The following NAALADL2 variants were observed in gnomAD, a reference collection of about 807,000 sequenced individuals.
NAALADL2 encodes inactive N-acetylated-alpha-linked acidic dipeptidase-like protein 2.
Under a neutral mutation model 87.2 loss-of-function variants are expected in NAALADL2, and 76 were observed. The ratio of observed to expected loss-of-function variants is 0.87; its 90% CI spans 0.72 to 1.05. The LOEUF (loss-of-function observed/expected upper bound fraction) is 1.05, where lower values mean the gene tolerates loss of function less well. Among genes scored for constraint, NAALADL2 ranks in the 50% least tolerant of loss-of-function variants. The probability of loss-of-function intolerance (pLI) is 0.00; values close to 1 mark genes in which losing one functional copy is unlikely to be tolerated. For missense variants in NAALADL2, 1,089 were observed against 945.8 expected, an observed-to-expected ratio of 1.15 and a Z score of -1.99; for synonymous variants, 354 against 331.0, an observed-to-expected ratio of 1.07 and a Z score of -0.75.
At chr3:175,209,807 A>T (rs1299687171) in intron 2 of NAALADL2, among the ~76,000 whole-genome samples, 1 of 151,840 alleles carries the variant, frequency 6.6e-6, no homozygotes, top group African/African-American at 2.4e-5. Context: ...GAGAACCTAT[A>T]AATATCATCA....
intron 1 of NAALADL2, among the ~76,000 whole-genome samples, chr3:174,878,839 A>C (rs1218553301): frequency 6.6e-6 from 1 of 152,064 alleles, no homozygotes; most frequent in South Asian, 2.1e-4. Context: ...AAAAGGGGCC[A>C]TGTGATTATT....
chr3:175,256,628 T>G (rs1022977074), intron 4 of NAALADL2, 98 bp downstream of exon 4: 1 of 1,178,658 alleles, frequency 8.5e-7, no homozygotes. Context: ...TGTGTGCATA[T>G]AGGTGTGTGA....
chr3:175,295,718 A>AACACACAC lies in NAALADL2; in HGVS notation c.940-28436_940-28429dup, dbSNP rs58935758. Among the ~76,000 whole-genome samples, 746 of 143,764 alleles carry AACACACAC rather than the reference A, an allele frequency of 5.2e-3. 2 individuals carry two copies. The highest frequency in any genetic ancestry group is 7.6e-3 in the Non-Finnish European group (501 of 66,208). The allele number at this position is 143,764 out of a possible 152,430, so 94.3% of individuals were successfully genotyped here. On this transcript the variant is annotated intron_variant, in intron 4 of 13. Coordinates refer to ENST00000454872, the MANE Select transcript of NAALADL2 (RefSeq NM_207015.3). ...AAATCTTTTGATACACATGCACACA[A>AACACACAC]ACACACACACACACACACACACACA...
intron 12 of NAALADL2, among the ~76,000 whole-genome samples, chr3:175,748,875 C>T (rs1746261005): frequency 6.6e-6 from 1 of 151,868 alleles, no homozygotes; most frequent in South Asian, 2.1e-4. Context: ...GATGCTGAGG[C>T]AGGAGGATCA....
rs1385286184 is a variant in NAALADL2, at chr3:174,959,452, G to A, written c.43+100002G>A. ...ACATACAATTGGTGATTGTTCTGAG[G>A]AGTTATATCACAGAGGGGCACTAGT... On this transcript the variant is annotated intron_variant, in intron 1 of 13. Coordinates refer to ENST00000454872, the MANE Select transcript of NAALADL2 (RefSeq NM_207015.3). Among the ~76,000 whole-genome samples the A allele has an allele frequency of 2.0e-5, 3 of 151,978 alleles. No homozygotes were observed. The East Asian group carries it at 5.8e-4, about 29-fold the overall frequency.
intron 9 of NAALADL2, among the ~76,000 whole-genome samples, chr3:175,535,723 T>G (rs908300851): frequency 6.6e-6 from 1 of 152,196 alleles, no homozygotes; most frequent in African/African-American, 2.4e-5. Context: ...GAACATATAC[T>G]TTAAATGTTG....
chr3:175,086,736 G>A (rs1204955906), intron 1 of NAALADL2, among the ~76,000 whole-genome samples: 1 of 151,854 alleles, frequency 6.6e-6, no homozygotes, highest in East Asian at 1.9e-4. Context: ...GCTCATTATA[G>A]TCTTTAGTAA....
At chr3:175,589,687 G>A (rs1464286598) in intron 10 of NAALADL2, among the ~76,000 whole-genome samples, 2 of 150,448 alleles carry the variant, frequency 1.3e-5, no homozygotes, top group Non-Finnish European at 3.0e-5. Context: ...GAAACCTTTT[G>A]TTGAGCATTT....
intron 12 of NAALADL2, among the ~76,000 whole-genome samples, chr3:175,754,569 AAAG>A (rs1271317442): frequency 6.6e-6 from 1 of 152,226 alleles, no homozygotes. Flanking sequence ...CATTTCTAGT[AAAG>A]AAAAAAAGAA....
At chr3:175,067,162 A>G (rs2109118457) in intron 1 of NAALADL2, among the ~76,000 whole-genome samples, 1 of 152,282 alleles carries the variant, frequency 6.6e-6, no homozygotes, top group East Asian at 1.9e-4. Context: ...CATAGGAGAC[A>G]CCATTCTGGA....
intron 1 of NAALADL2, among the ~76,000 whole-genome samples, chr3:175,080,003 T>G (rs1206307174): frequency 1.3e-5 from 2 of 151,672 alleles, no homozygotes; most frequent in African/African-American, 4.9e-5. Flanking sequence ...TCTCTCTTTG[T>G]CACCCAGGCT....
chr3:174,841,389 T>C (rs1414355142), intron 3 of NAALADL2, among the ~76,000 whole-genome samples: 1 of 152,216 alleles, frequency 6.6e-6, no homozygotes. Flanking sequence ...TACATTTGGC[T>C]CCCAGTAGGA....
chr3:174,772,272 G>T (rs1578864892), intron 3 of NAALADL2, among the ~76,000 whole-genome samples: 1 of 152,150 alleles, frequency 6.6e-6, no homozygotes, highest in East Asian at 1.9e-4. Flanking sequence ...TGTGTGTAGG[G>T]TTTTTCCAGC....
chr3:175,740,633 T>C (rs565295471), intron 12 of NAALADL2, among the ~76,000 whole-genome samples: 12 of 152,202 alleles, frequency 7.9e-5, no homozygotes, highest in Non-Finnish European at 1.6e-4. Context: ...TCTTGCAAAA[T>C]ATAGTAATTA....
intron 3 of NAALADL2, among the ~76,000 whole-genome samples, chr3:175,250,733 A>G (rs1581121955): frequency 6.6e-6 from 1 of 152,282 alleles, no homozygotes; most frequent in South Asian, 2.1e-4. Context: ...CATTTTCCTT[A>G]TCTATAAAAC....
At chr3:175,761,583 C>T (rs868197868) in intron 13 of NAALADL2, among the ~76,000 whole-genome samples, 2 of 152,146 alleles carry the variant, frequency 1.3e-5, no homozygotes, top group South Asian at 2.1e-4. Context: ...GCCAAACTGT[C>T]TTTCCAAGGG....
chr3:175,117,447 G>A (rs946980023), intron 2 of NAALADL2, among the ~76,000 whole-genome samples: 1 of 152,048 alleles, frequency 6.6e-6, no homozygotes, highest in African/African-American at 2.4e-5. Flanking sequence ...CAAAAAGTGG[G>A]CAAAGGATAT....
intron 1 of NAALADL2, among the ~76,000 whole-genome samples, chr3:175,090,805 A>T (rs2108316985): frequency 6.6e-6 from 1 of 152,146 alleles, no homozygotes. Context: ...ACAAATAATA[A>T]TTTCCTTTAG....
chr3:175,053,422 A>G (rs149186262), intron 1 of NAALADL2, among the ~76,000 whole-genome samples: 371 of 152,162 alleles, frequency 2.4e-3, no homozygotes, highest in African/African-American at 8.2e-3. Flanking sequence ...GCTGTGTTCA[A>G]TGGGTGTTGC....
Sources: gnomAD v4.1 joint callset for allele counts (sites outside exome capture counted in the v4.1 genomes callset) on GRCh38, gnomAD v4.1.1 for gene constraint, MANE v1.5 for transcripts, NCBI Gene and HGNC (gene_info 2026-07-23, HGNC 2026-07-21) for gene names.